LIMA1: variants seen among roughly 807,000 people sequenced by gnomAD.
LIMA1 encodes the protein LIM domain and actin-binding protein 1.
Under a neutral mutation model 62.6 loss-of-function variants are expected in LIMA1, and 52 were observed. The ratio of observed to expected loss-of-function variants is 0.83; its 90% CI spans 0.67 to 1.05. The LOEUF (loss-of-function observed/expected upper bound fraction) is 1.05, where lower values mean the gene tolerates loss of function less well. Among genes scored for constraint, LIMA1 ranks in the 50% least tolerant of loss-of-function variants. The pLI is 0.00. For missense variants in LIMA1, 780 were observed against 902.2 expected (o/e 0.86, Z 1.74); for synonymous variants, 302 against 317.8 (o/e 0.95, Z 0.53).
At chr12:50,211,623 C>T (rs998289693) in intron 4 of LIMA1, among the ~76,000 whole-genome samples, 18 of 151,948 alleles carry the variant, frequency 1.2e-4, no homozygotes, top group African/African-American at 3.9e-4. Flanking sequence ...CCAGCCTGGA[C>T]GATATAACAA....
chr12:50,230,299 G>C lies in LIMA1; in HGVS notation c.165+1366C>G, dbSNP rs373410511. The stretch of plus-strand genomic sequence containing the variant: ...GATCTGCCTGCCTCGGCCTCCCAAA[G>C]TGCTGGGATTATAGGCGTGAGCCAC... On this transcript the variant is annotated intron_variant, in intron 3 of 10. Coordinates refer to ENST00000341247, the MANE Select transcript of LIMA1 (RefSeq NM_016357.5). Among the ~76,000 whole-genome samples, 12 of 152,330 alleles carry C rather than the reference G, an allele frequency of 7.9e-5. No homozygotes were observed. In the South Asian group the frequency reaches 2.1e-3, roughly 26 times the overall value.
chr12:50,195,907 A>C lies in LIMA1; in HGVS notation c.973-20T>G. ...AGAAATCTACAAAAAAAAAAAAAAA[A>C]AAAAAGTTAGAGGGGGATTAAGAGT... On this transcript the variant is annotated intron_variant, in intron 7 of 10. Transcript: ENST00000341247. The C allele has an allele frequency of 6.4e-7, 1 of 1,572,922 alleles. No individual in the cohort carries two copies. Among genetic ancestry groups the C allele is most frequent in the Admixed American group, 2.0e-5 (1 of 50,398 alleles).
intron 4 of LIMA1, among the ~76,000 whole-genome samples, chr12:50,212,318 G>A (rs1055146254): frequency 2.0e-5 from 3 of 152,102 alleles, no homozygotes; most frequent in African/African-American, 7.2e-5. Context: ...TCCTTTGGAC[G>A]CTGTCATCTC....
At chr12:50,268,958 T>C (rs1410361737) in intron 1 of LIMA1, among the ~76,000 whole-genome samples, 1 of 152,158 alleles carries the variant, frequency 6.6e-6, no homozygotes, top group Non-Finnish European at 1.5e-5. Flanking sequence ...GTCTTGAAAC[T>C]AGGAATATTA....
intron 1 of LIMA1, among the ~76,000 whole-genome samples, chr12:50,254,651 C>A (rs888966474): frequency 3.9e-5 from 6 of 152,230 alleles, no homozygotes; most frequent in African/African-American, 1.4e-4. Flanking sequence ...CCCCAGGTAT[C>A]TGCTTCCTCA....
chr12:50,265,593 A>C (rs531520823), intron 1 of LIMA1, among the ~76,000 whole-genome samples: 83 of 152,308 alleles, frequency 5.4e-4, no homozygotes, highest in African/African-American at 1.8e-3. Flanking sequence ...TGTTTCTTTA[A>C]AATATCAATA....
chr12:50,183,742 CAG>C (rs1472186877), intron 9 of LIMA1, among the ~76,000 whole-genome samples: 1 of 131,010 alleles, frequency 7.6e-6, no homozygotes, highest in African/African-American at 3.0e-5. Flanking sequence ...ACCTGGGAGG[CAG>C]AGGTTGCAGT....
chr12:50,252,104 G>T (rs1941938290), intron 1 of LIMA1, among the ~76,000 whole-genome samples: 1 of 152,150 alleles, frequency 6.6e-6, no homozygotes, highest in Admixed American at 6.5e-5. Flanking sequence ...GCTATGCGTG[G>T]TGTAGGAATA....
chr12:50,260,229 C>T (rs1038273436), intron 1 of LIMA1, among the ~76,000 whole-genome samples: 9 of 150,882 alleles, frequency 6.0e-5, no homozygotes, highest in African/African-American at 2.2e-4. Context: ...CTCACTGCAA[C>T]TTCCGCCTCC....
intron 2 of LIMA1, among the ~76,000 whole-genome samples, chr12:50,244,748 C>A (rs1941824166): frequency 2.0e-5 from 3 of 152,184 alleles, no homozygotes; most frequent in Admixed American, 1.3e-4. Flanking sequence ...CCTTTTCCAA[C>A]CTCTTAACTC....
chr12:50,193,816 C>G (rs1940862951), intron 8 of LIMA1, among the ~76,000 whole-genome samples: 1 of 146,596 alleles, frequency 6.8e-6, no homozygotes, highest in Non-Finnish European at 1.5e-5. Flanking sequence ...AGATGCATGC[C>G]ACCATGCCCA....
At position 50,181,827 on chromosome 12, in the gene LIMA1, G is replaced by A. The variant is rs572304540; in HGVS notation, c.1274+77C>T. Reference sequence around the variant, plus strand: ...AATATCATTAGCACAGTAGCTTTTAGCACCAGTGCTCTAAAAGCCAAAGAC... The same window carrying A: ...AATATCATTAGCACAGTAGCTTTTAACACCAGTGCTCTAAAAGCCAAAGAC... On this transcript the variant is annotated intron_variant, in intron 10 of 10. Transcript: ENST00000341247. The A allele has an allele frequency of 3.3e-6, 5 of 1,499,540 alleles. No homozygotes were observed. In the Admixed American group the frequency reaches 9.0e-5, roughly 27 times the overall value. 92.9% of individuals were successfully genotyped at this position (1,499,540 alleles called of 1,614,324 possible). A position where few individuals can be genotyped will look rare whatever the true frequency, so the allele number is the denominator to read the frequency against.
In LIMA1 at chr12:50,272,966, C is replaced by T. The variant is rs552113850; in HGVS notation, c.-24+10454G>A. On this transcript the variant is annotated intron_variant, in intron 1 of 10. Coordinates refer to ENST00000341247, the MANE Select transcript of LIMA1 (RefSeq NM_016357.5). The stretch of plus-strand genomic sequence containing the variant: ...TCGGGAGGCTAAGGCAGGAGAATGG[C>T]GTGAACCCAGGAGGTGGAGCTTGCA... Among the ~76,000 whole-genome samples, 20 of 150,868 alleles carry T rather than the reference C, an allele frequency of 1.3e-4. No individual in the cohort carries two copies. The East Asian group carries it at 3.5e-3, about 27-fold the overall frequency.
At chr12:50,205,920 A>G in intron 5 of LIMA1, 64 bp downstream of exon 5, 1 of 1,238,840 alleles carries the variant, frequency 8.1e-7, no homozygotes, top group Non-Finnish European at 1.1e-6. Flanking sequence ...CTTCGAGTCC[A>G]AAAGATGTTA....
chr12:50,275,578 G>A (rs1407310780), intron 1 of LIMA1, among the ~76,000 whole-genome samples: 1 of 152,110 alleles, frequency 6.6e-6, no homozygotes, highest in Non-Finnish European at 1.5e-5. Flanking sequence ...GATTCAAGTA[G>A]AAGAAATTAG....
intron 1 of LIMA1, among the ~76,000 whole-genome samples, chr12:50,250,046 C>G (rs545061871): frequency 6.6e-6 from 1 of 151,950 alleles, no homozygotes; most frequent in African/African-American, 2.4e-5. Flanking sequence ...AATCTCAACA[C>G]TTTGGGAGGC....
intron 9 of LIMA1, chr12:50,190,184 A>G (rs1940724110): frequency 7.3e-6 from 1 of 137,832 alleles, no homozygotes; most frequent in Non-Finnish European, 1.6e-5. Context: ...CGCCCAGCTA[A>G]TTTTTGTATT....
At chr12:50,263,687 T>A (rs1942098330) in intron 1 of LIMA1, among the ~76,000 whole-genome samples, 1 of 151,474 alleles carries the variant, frequency 6.6e-6, no homozygotes, top group South Asian at 2.1e-4. Flanking sequence ...ACACTGCTGG[T>A]GGGAATGTAA....
chr12:50,229,353 T>C (rs1941576175), intron 3 of LIMA1, among the ~76,000 whole-genome samples: 1 of 152,176 alleles, frequency 6.6e-6, no homozygotes, highest in South Asian at 2.1e-4. Flanking sequence ...TAGAGCCTTC[T>C]CTTCAGCCAT....
Sources: allele counts gnomAD v4.1 joint callset (sites outside exome capture counted in the v4.1 genomes callset), GRCh38; gene constraint gnomAD v4.1.1; transcripts MANE v1.5; gene names NCBI Gene and HGNC (gene_info 2026-07-23, HGNC 2026-07-21).